Variants in CES5A observed in about 807,000 individuals in gnomAD.
CES5A encodes carboxylesterase 5.
Under a neutral mutation model 62.9 loss-of-function variants are expected in CES5A, and 67 were observed. The observed-to-expected ratio is 1.07, with a 90% CI of 0.88 to 1.31. The LOEUF is 1.31. CES5A is among the 50% of genes most tolerant of loss of function. The pLI is 0.00. For missense variants in CES5A, 748 were observed against 708.5 expected (o/e 1.06, Z -0.63); for synonymous variants, 296 against 280.8 (o/e 1.05, Z -0.54).
chr16:55,883,278 T>C (rs1225972776), intron 1 of CES5A, among the ~76,000 whole-genome samples: 1 of 152,128 alleles, frequency 6.6e-6, no homozygotes, highest in Non-Finnish European at 1.5e-5. Context: ...TTGTTTTGTT[T>C]TGTTTTGTTT....
rs760765547 is a variant in CES5A at position 55,849,611 on chromosome 16, GC to G, written c.1423+12del. 2 of 1,613,552 alleles carry G rather than the reference GC, an allele frequency of 1.2e-6. No homozygotes were observed. Among genetic ancestry groups the G allele is most frequent in the Non-Finnish European group, 1.7e-6 (2 of 1,179,678 alleles). ...GGCTTCATGTGAACTGTGGGAAGTG[GC>G]CAGTCCCTTACCGAACATAACAATG... On this transcript the variant is annotated intron_variant, in intron 11 of 12. Coordinates refer to ENST00000290567, the MANE Select transcript of CES5A (RefSeq NM_001143685.2).
At chr16:55,863,884 G>T (rs1428578987) in intron 5 of CES5A, among the ~76,000 whole-genome samples, 2 of 151,826 alleles carry the variant, frequency 1.3e-5, no homozygotes, top group Non-Finnish European at 2.9e-5. Context: ...AGCCTCCAGA[G>T]TAGCTGAGAT....
At chr16:55,907,374 G>A (rs985333711) in intron 1 of CES5A, among the ~76,000 whole-genome samples, 18 of 152,296 alleles carry the variant, frequency 1.2e-4, no homozygotes, top group African/African-American at 3.4e-4. Context: ...AGACTTCCAC[G>A]TTCATGAAGC....
In CES5A at chr16:55,951,103, CAAAAAAAAAA is replaced by C. The variant is rs55951124; in HGVS notation, c.43-1211_43-1202del. On this transcript the variant is annotated intron_variant, in intron 1 of 13. Coordinates refer to the CES5A transcript ENST00000521992. ...CCTGGGAGACAGCGAGACTCCATCTCAAAAAAAAAAAAAAAAAAAAAAAAAAAGACCCACA... is the reference window on the plus strand; with the variant it reads ...CCTGGGAGACAGCGAGACTCCATCTCAAAAAAAAAAAAAAAAAGACCCACA... Among the ~76,000 whole-genome samples, 13 of 44,378 alleles carry C rather than the reference CAAAAAAAAAA, an allele frequency of 2.9e-4. No individual in the cohort carries two copies. The South Asian group carries it at 4.0e-3, about 14-fold the overall frequency. The allele number at this position is 44,378 out of a possible 152,430, so 29.1% of individuals were successfully genotyped here.
chr16:55,892,577 C>CA (rs1162589209), intron 1 of CES5A, among the ~76,000 whole-genome samples: 2 of 152,150 alleles, frequency 1.3e-5, no homozygotes, highest in East Asian at 1.9e-4. Context: ...TAGCTTAATA[C>CA]AAAAAACTCA....
intron 1 of CES5A, among the ~76,000 whole-genome samples, chr16:55,898,399 T>G (rs1332441368): frequency 1.3e-5 from 2 of 152,110 alleles, no homozygotes; most frequent in African/African-American, 4.8e-5. Flanking sequence ...TTATAAGAAG[T>G]AAGCACTATA....
intron 2 of CES5A, among the ~76,000 whole-genome samples, chr16:55,938,391 A>C (rs2142475876): frequency 6.6e-6 from 1 of 152,114 alleles, no homozygotes; most frequent in East Asian, 1.9e-4. Context: ...TTGCTCTCTC[A>C]AGGAAGGGGA....
chr16:55,923,618 C>T (rs1000297799), intron 1 of CES5A, among the ~76,000 whole-genome samples: 2 of 151,916 alleles, frequency 1.3e-5, no homozygotes, highest in East Asian at 1.9e-4. Flanking sequence ...TTTTCTCAAA[C>T]TCTTCAAAAA....
At position 55,865,987 on chromosome 16, in the gene CES5A, C is replaced by T. The variant is rs774007778; in HGVS notation, c.681G>A (p.Ala227=). ...CAAGACTAGAAACACTTATGGCTCC[C>T]GCGGACTCGCCAAAGATGGTCACAG... The part of the protein sequence containing the change: ...PSSVTIFGES[A]GAISVSSLIL... Residue 227 remains alanine (A), a synonymous_variant, in exon 5 of 13, where the codon GCG becomes GCA. Transcript: ENST00000290567. 2.1e-5 allele frequency: 34 copies of T among 1,614,096 alleles called. No individual in the cohort carries two copies. In the East Asian group the frequency reaches 3.3e-4, roughly 16 times the overall value.
At chr16:55,873,721 T>A in intron 2 of CES5A, 112 bp downstream of exon 2, 1 of 987,342 alleles carries the variant, frequency 1.0e-6, no homozygotes, top group Non-Finnish European at 1.5e-6. Flanking sequence ...GCCCTCTCTC[T>A]CCCTCCTCCC....
chr16:55,908,339 T>G (rs1455487282), intron 1 of CES5A, among the ~76,000 whole-genome samples: 1 of 142,670 alleles, frequency 7.0e-6, no homozygotes, highest in Non-Finnish European at 1.5e-5. Flanking sequence ...CTTCTCAGTT[T>G]TGTTGTTGTT....
intron 2 of CES5A, among the ~76,000 whole-genome samples, chr16:55,948,722 A>G (rs2034523223): frequency 6.6e-6 from 1 of 152,140 alleles, no homozygotes; most frequent in Admixed American, 6.6e-5. Flanking sequence ...AATCCAAGCT[A>G]GGGATGGTGA....
At chr16:55,879,770 T>C (rs1174194462), upstream of CES5A, among the ~76,000 whole-genome samples, 1 of 152,002 alleles carries the variant, frequency 6.6e-6, no homozygotes, top group South Asian at 2.1e-4. Flanking sequence ...TTTTTTAAAT[T>C]TTTGTAGAGA....
At chr16:55,955,658 C>G (rs1188407919) in intron 1 of CES5A, among the ~76,000 whole-genome samples, 1 of 152,212 alleles carries the variant, frequency 6.6e-6, no homozygotes, top group Non-Finnish European at 1.5e-5. Context: ...GAGCCTGCCT[C>G]TCAGTTCCTT....
intron 2 of CES5A, among the ~76,000 whole-genome samples, chr16:55,948,249 A>C (rs2034517872): frequency 6.6e-6 from 1 of 152,056 alleles, no homozygotes; most frequent in Admixed American, 6.5e-5. Flanking sequence ...GGGCAGGCCG[A>C]GAAAGGAGGG....
chr16:55,941,546 T>C (rs2034446392), intron 2 of CES5A, among the ~76,000 whole-genome samples: 1 of 152,082 alleles, frequency 6.6e-6, no homozygotes, highest in Non-Finnish European at 1.5e-5. Flanking sequence ...CTTCCCAAAA[T>C]GATCTACATA....
At chr16:55,912,522 G>T (rs902075995) in intron 1 of CES5A, among the ~76,000 whole-genome samples, 1 of 151,838 alleles carries the variant, frequency 6.6e-6, no homozygotes, top group Non-Finnish European at 1.5e-5. Context: ...GGAAAAGGAG[G>T]CAGAGGAGGA....
intron 2 of CES5A, among the ~76,000 whole-genome samples, chr16:55,930,667 C>T (rs1038168827): frequency 3.9e-5 from 6 of 152,168 alleles, no homozygotes; most frequent in Admixed American, 2.6e-4. Context: ...GAATGGTTCT[C>T]TTCATGCTAT....
rs552114688 is a variant in CES5A, at chr16:55,884,316, C to T, written c.-255-10279G>A. Among the ~76,000 whole-genome samples, 10 of 152,340 alleles carry T rather than the reference C, an allele frequency of 6.6e-5. No individual in the cohort carries two copies. In the East Asian group the frequency reaches 1.9e-3, roughly 29 times the overall value. On this transcript the variant is annotated intron_variant, in intron 1 of 12. Coordinates refer to the CES5A transcript ENST00000518005. ...GTGAAGCAGCACCTCTGTCGACAGTCTGTCTGTGTTCCCCTATAGATATCA... is the reference window on the plus strand; with the variant it reads ...GTGAAGCAGCACCTCTGTCGACAGTTTGTCTGTGTTCCCCTATAGATATCA...
Sources: allele counts gnomAD v4.1 joint callset (sites outside exome capture counted in the v4.1 genomes callset), GRCh38; gene constraint gnomAD v4.1.1; transcripts MANE v1.5; gene names NCBI Gene and HGNC (gene_info 2026-07-23, HGNC 2026-07-21).